ORC3: variants seen among roughly 807,000 people sequenced by gnomAD.
ORC3 encodes the protein origin recognition complex subunit 3, also known as homolog of latheo, Drosophila.
Under a neutral mutation model 100.7 loss-of-function variants are expected in ORC3, and 78 were observed. The ratio of observed to expected loss-of-function variants is 0.77; its 90% CI spans 0.65 to 0.94. ORC3 has a LOEUF of 0.94. Ranked by LOEUF, ORC3 falls within the 40% of genes least tolerant of loss-of-function variation. The pLI, the probability that ORC3 is intolerant of heterozygous loss-of-function variation, is 0.00. For synonymous variants in ORC3, 295 were observed against 289.3 expected (o/e 1.02, Z -0.20); for missense variants, 789 against 823.9 (o/e 0.96, Z 0.52).
intron 9 of ORC3, among the ~76,000 whole-genome samples, chr6:87,618,466 T>G (rs917208444): frequency 4.0e-5 from 6 of 151,264 alleles, no homozygotes; most frequent in Admixed American, 4.0e-4. Flanking sequence ...TGTTTAATGA[T>G]GGAGGCAAAA....
At chr6:87,641,345 A>G (rs1419807466) in intron 13 of ORC3, among the ~76,000 whole-genome samples, 2 of 152,130 alleles carry the variant, frequency 1.3e-5, no homozygotes, top group Non-Finnish European at 2.9e-5. Context: ...TGACTTTTCT[A>G]CAGTTGACAG....
At chr6:87,633,352 G>A (rs774290586) in intron 11 of ORC3, among the ~76,000 whole-genome samples, 2 of 152,276 alleles carry the variant, frequency 1.3e-5, no homozygotes, top group East Asian at 1.9e-4. Context: ...CCTCCCAATG[G>A]TGGTTAAAAC....
At chr6:87,648,320 C>T (rs948377273) in intron 13 of ORC3, among the ~76,000 whole-genome samples, 1 of 152,194 alleles carries the variant, frequency 6.6e-6, no homozygotes, top group Non-Finnish European at 1.5e-5. Context: ...TATATAACCT[C>T]GAAAACCAGT....
rs781147081 is a variant in ORC3, at chr6:87,667,120, C to T, written c.2133C>T (p.Cys711=). The T allele has an allele frequency of 4.4e-6, 7 of 1,580,630 alleles. No homozygotes were observed. The South Asian group carries it at 6.8e-5, about 15-fold the overall frequency. The change falls in exon 20 of 20, where the codon TGC becomes TGT. Residue 711 remains cysteine (C), a synonymous_variant. Coordinates refer to ENST00000392844, the MANE Select transcript of ORC3 (RefSeq NM_012381.4). ...DHVARLTWGG[C] is the part of the protein sequence containing the mutation. ...TGGCAAGACTAACATGGGGAGGCTG[C>T]TAGAAAGCAAATAAGCAAAGCCAGA...
At chr6:87,666,244 G>A (rs1770596491) in intron 19 of ORC3, among the ~76,000 whole-genome samples, 1 of 152,002 alleles carries the variant, frequency 6.6e-6, no homozygotes, top group African/African-American at 2.4e-5. Context: ...CAATTCTCCT[G>A]CCTCAGCCTC....
intron 8 of ORC3, among the ~76,000 whole-genome samples, chr6:87,613,267 G>A (rs548105873): frequency 9.5e-4 from 145 of 152,200 alleles, no homozygotes; most frequent in Non-Finnish European, 1.8e-3. Context: ...TTGTACAGGG[G>A]AACTCCTCTT....
intron 6 of ORC3, among the ~76,000 whole-genome samples, chr6:87,608,151 A>G (rs1018601013): frequency 5.3e-5 from 8 of 152,204 alleles, no homozygotes; most frequent in Admixed American, 2.6e-4. Context: ...TAACTTTAGT[A>G]TATTATCTCT....
At chr6:87,615,780 C>G (rs1212303195) in intron 8 of ORC3, among the ~76,000 whole-genome samples, 2 of 152,220 alleles carry the variant, frequency 1.3e-5, no homozygotes, top group Non-Finnish European at 2.9e-5. Context: ...CCTTGTGTGA[C>G]TTTTCATTTC....
At chr6:87,651,657 T>C (rs1257314578) in intron 13 of ORC3, among the ~76,000 whole-genome samples, 1 of 152,206 alleles carries the variant, frequency 6.6e-6, no homozygotes, top group Non-Finnish European at 1.5e-5. Context: ...CCCTTAACAA[T>C]TGCCATATTT....
intron 11 of ORC3, 126 bp downstream of exon 11, chr6:87,622,139 G>C (rs1451704699): frequency 7.0e-6 from 4 of 572,770 alleles, no homozygotes; most frequent in Non-Finnish European, 1.2e-5. Context: ...TGAAGTACTG[G>C]GTCTTGATAG....
At chr6:87,673,036 G>T in the ORC3 span, among the ~76,000 whole-genome samples, 2 of 151,604 alleles carry the variant, frequency 1.3e-5, no homozygotes, top group African/African-American at 4.8e-5. Flanking sequence ...GAAATCATGT[G>T]TGGTTGGTTA....
chr6:87,607,997 C>T (rs1778473253), intron 6 of ORC3, among the ~76,000 whole-genome samples, 173 bp downstream of exon 6: 1 of 152,108 alleles, frequency 6.6e-6, no homozygotes, highest in African/African-American at 2.4e-5. Flanking sequence ...TTAAAATGTT[C>T]TTTTATTAGT....
At chr6:87,649,722 G>A (rs1387273277) in intron 13 of ORC3, among the ~76,000 whole-genome samples, 1 of 151,962 alleles carries the variant, frequency 6.6e-6, no homozygotes, top group Non-Finnish European at 1.5e-5. Context: ...CTCCAGCCTG[G>A]GCAACAAGAG....
intron 13 of ORC3, among the ~76,000 whole-genome samples, chr6:87,650,534 C>G (rs1027198689): frequency 1.3e-5 from 2 of 152,006 alleles, no homozygotes; most frequent in Non-Finnish European, 2.9e-5. Flanking sequence ...AGCATTGATT[C>G]TGTGTGTGTA....
At position 87,634,882 on chromosome 6, in the gene ORC3, A is replaced by G. The variant is rs770069208; in HGVS notation, c.1223A>G (p.Tyr408Cys). 6.3e-7 allele frequency: 1 copy of G among 1,598,030 alleles called. No individual in the cohort carries two copies. The highest frequency in any genetic ancestry group is 8.6e-7 in the Non-Finnish European group (1 of 1,165,690). ...TTATTACTAGAAAACCTGCATGTTT[A>G]TCATATGAATTACTTCCTGGTTTTG... ...TQLLLENLHV[Y>C]HMNYFLVLRC... Residue 408 changes from tyrosine (Y) to cysteine (C), a missense_variant, in exon 12 of 20, where the codon TAT becomes TGT. Coordinates refer to ENST00000392844, the MANE Select transcript of ORC3 (RefSeq NM_012381.4).
chr6:87,666,184 T>C (rs1313690390), intron 19 of ORC3, among the ~76,000 whole-genome samples: 1 of 152,220 alleles, frequency 6.6e-6, no homozygotes, highest in Admixed American at 6.5e-5. Context: ...CAAGCTGGAG[T>C]GCAGTAGTGC....
the ORC3 span, chr6:87,676,011 G>T: frequency 8.5e-7 from 1 of 1,183,378 alleles, no homozygotes; most frequent in Non-Finnish European, 1.2e-6. Context: ...AAAATATACA[G>T]TAAAACAATT....
intron 13 of ORC3, among the ~76,000 whole-genome samples, chr6:87,645,251 G>C (rs1768667864): frequency 2.0e-5 from 3 of 152,200 alleles, no homozygotes; most frequent in African/African-American, 7.2e-5. Flanking sequence ...AGTAGTAAGA[G>C]CTGTGATGGG....
chr6:87,634,886 T>C lies in ORC3; in HGVS notation c.1227T>C (p.His409=). ...TACTAGAAAACCTGCATGTTTATCATATGAATTACTTCCTGGTTTTGAGAT... is the reference window on the plus strand; with the variant it reads ...TACTAGAAAACCTGCATGTTTATCACATGAATTACTTCCTGGTTTTGAGAT... ...QLLLENLHVY[H]MNYFLVLRCL... is the part of the protein sequence containing the mutation. The change falls in exon 12 of 20, where the codon CAT becomes CAC. Residue 409 remains histidine, a synonymous_variant. Coordinates refer to ENST00000392844, the MANE Select transcript of ORC3 (RefSeq NM_012381.4). The C allele has an allele frequency of 6.2e-7, 1 of 1,602,600 alleles. No homozygotes were observed.
Sources: allele counts gnomAD v4.1 joint callset (sites outside exome capture counted in the v4.1 genomes callset), GRCh38; gene constraint gnomAD v4.1.1; transcripts MANE v1.5; gene names NCBI Gene and HGNC (gene_info 2026-07-23, HGNC 2026-07-21).